CSMD1: variants seen among roughly 807,000 people sequenced by gnomAD.
CSMD1 encodes the protein CUB and sushi domain-containing protein 1.
CSMD1 carries 213 observed loss-of-function variants against 417.5 expected under a neutral mutation model. The observed-to-expected ratio is 0.51, with a 90% CI of 0.46 to 0.57. CSMD1 has a LOEUF of 0.57. CSMD1 is among the 20% of genes least tolerant of loss of function. The pLI, the probability that CSMD1 is intolerant of heterozygous loss-of-function variation, is 0.00. For missense variants in CSMD1, 6,923 were observed against 4,529.7 expected (o/e 1.53, Z -15.17); for synonymous variants, 2,862 against 1,736.8 (o/e 1.65, Z -16.11).
rs544292963 is a variant in CSMD1, at chr8:4,410,780, A to T, written c.415+9173T>A. Among the ~76,000 whole-genome samples, 4 of 152,288 alleles carry T rather than the reference A, an allele frequency of 2.6e-5. No individual in the cohort carries two copies. The South Asian group carries it at 8.3e-4, about 32-fold the overall frequency. On this transcript the variant is annotated intron_variant, in intron 3 of 69. Coordinates refer to ENST00000635120, the MANE Select transcript of CSMD1 (RefSeq NM_033225.6). ...TTAAGAAATGAAAGTATAACAACTCATGAGTTGAGACTCCCCTCTGCAATG... is the reference window on the plus strand; with the variant it reads ...TTAAGAAATGAAAGTATAACAACTCTTGAGTTGAGACTCCCCTCTGCAATG...
At chr8:4,026,445 C>G (rs902586251) in intron 4 of CSMD1, among the ~76,000 whole-genome samples, 4 of 152,170 alleles carry the variant, frequency 2.6e-5, no homozygotes, top group South Asian at 4.1e-4. Context: ...GTTATGTCAA[C>G]TTTGACTACA....
intron 3 of CSMD1, among the ~76,000 whole-genome samples, chr8:4,253,144 A>G (rs981861403): frequency 2.6e-4 from 40 of 152,328 alleles, no homozygotes; most frequent in African/African-American, 8.7e-4. Flanking sequence ...AGTATTTTCT[A>G]AAACGATAAA....
chr8:3,024,649 G>A (rs1293010627), intron 51 of CSMD1, among the ~76,000 whole-genome samples: 2 of 152,046 alleles, frequency 1.3e-5, no homozygotes, highest in Non-Finnish European at 2.9e-5. Context: ...ACTTTCTTTT[G>A]GGTGAGTAAA....
chr8:3,991,666 G>A (rs1814761258), intron 5 of CSMD1, among the ~76,000 whole-genome samples: 1 of 152,160 alleles, frequency 6.6e-6, no homozygotes, highest in Admixed American at 6.5e-5. Context: ...TAAGGCAGAA[G>A]GTTGCTGAAG....
intron 6 of CSMD1, among the ~76,000 whole-genome samples, chr8:3,719,101 A>T (rs1802000478): frequency 6.6e-6 from 1 of 152,190 alleles, no homozygotes; most frequent in South Asian, 2.1e-4. Context: ...GACGATTCGC[A>T]AATTCCAAGA....
rs565146516 is a variant in CSMD1 at position 4,301,020 on chromosome 8, A to G, written c.415+118933T>C. ...AGTGTGCATGTGTCTTTATAGCAGC[A>G]TGATAAGATTAGGAAACAAAAAGAA... On this transcript the variant is annotated intron_variant, in intron 3 of 69. Transcript: ENST00000635120. 3.3e-5 allele frequency among the ~76,000 whole-genome samples: 5 copies of G among 152,310 alleles called. No homozygotes were observed. The East Asian group carries it at 9.6e-4, about 29-fold the overall frequency.
intron 3 of CSMD1, among the ~76,000 whole-genome samples, chr8:4,177,625 A>G (rs1261696347): frequency 6.8e-6 from 1 of 148,024 alleles, no homozygotes; most frequent in African/African-American, 2.5e-5. Context: ...CCTTCAAAAA[A>G]TTAATGAATC....
At chr8:4,199,905 T>C (rs1799552680) in intron 3 of CSMD1, among the ~76,000 whole-genome samples, 1 of 152,120 alleles carries the variant, frequency 6.6e-6, no homozygotes, top group Admixed American at 6.6e-5. Context: ...AGACAAGTCA[T>C]ACATTTTGTG....
At chr8:3,566,464 T>A (rs775028801) in intron 10 of CSMD1, among the ~76,000 whole-genome samples, 1 of 152,106 alleles carries the variant, frequency 6.6e-6, no homozygotes, top group Admixed American at 6.5e-5. Context: ...CCGCTCCTCC[T>A]GCACCTCCAC....
chr8:4,912,212 C>T (rs990373111), intron 1 of CSMD1, among the ~76,000 whole-genome samples: 4 of 150,826 alleles, frequency 2.7e-5, no homozygotes, highest in African/African-American at 7.3e-5. Context: ...TCTTACTGAG[C>T]TAGGTGGAGA....
intron 3 of CSMD1, among the ~76,000 whole-genome samples, chr8:4,337,253 T>A (rs1024897727): frequency 6.6e-6 from 1 of 152,102 alleles, no homozygotes; most frequent in African/African-American, 2.4e-5. Context: ...TGATAAAACA[T>A]AGCATCATGG....
intron 3 of CSMD1, among the ~76,000 whole-genome samples, chr8:4,377,345 C>T (rs955180717): frequency 2.6e-5 from 4 of 152,140 alleles, no homozygotes; most frequent in African/African-American, 9.7e-5. Context: ...TTAGAGCTTA[C>T]TAATTTGGCT....
chr8:4,096,382 GA>G (rs1036540080), intron 3 of CSMD1, among the ~76,000 whole-genome samples: 26 of 149,976 alleles, frequency 1.7e-4, no homozygotes, highest in African/African-American at 6.3e-4. Flanking sequence ...TGGCCTAGTG[GA>G]TGCCTATGGC....
At chr8:3,188,763 A>C (rs1796240651) in intron 35 of CSMD1, 124 bp downstream of exon 35, 1 of 571,042 alleles carries the variant, frequency 1.8e-6, no homozygotes, top group African/African-American at 1.9e-5. Flanking sequence ...TAACCAGTAT[A>C]AAAGGAAAAA....
chr8:3,243,356 C>G (rs1296516497), intron 26 of CSMD1, among the ~76,000 whole-genome samples: 5 of 152,098 alleles, frequency 3.3e-5, no homozygotes, highest in African/African-American at 1.2e-4. Context: ...ACCAAACAGG[C>G]TTTGTGTGAG....
chr8:4,503,349 T>C (rs1205914946), intron 2 of CSMD1, among the ~76,000 whole-genome samples: 1 of 152,160 alleles, frequency 6.6e-6, no homozygotes, highest in Non-Finnish European at 1.5e-5. Flanking sequence ...TTTAACATTT[T>C]TTATGCCTAC....
At position 4,796,468 on chromosome 8, in the gene CSMD1, G is replaced by C. The variant is rs116956180; in HGVS notation, c.86-158910C>G. ...CTTTGTAATGTATGTAAATATCTTT[G>C]AGAGCTTCTTGACAGTTTTACCACC... On this transcript the variant is annotated intron_variant, in intron 1 of 69. Transcript: ENST00000635120. Among the ~76,000 whole-genome samples the C allele has an allele frequency of 3.7e-3, 557 of 151,860 alleles. 8 individuals are homozygous for C. The highest frequency in any genetic ancestry group is 0.031 in the South Asian group (147 of 4,768).
At chr8:4,708,147 G>A (rs996208108) in intron 1 of CSMD1, among the ~76,000 whole-genome samples, 2 of 151,986 alleles carry the variant, frequency 1.3e-5, no homozygotes, top group Non-Finnish European at 2.9e-5. Context: ...TAGAGATGGA[G>A]TTTTGCTATG....
intron 5 of CSMD1, among the ~76,000 whole-genome samples, chr8:3,776,393 G>A (rs1434216645): frequency 6.6e-6 from 1 of 152,144 alleles, no homozygotes; most frequent in Non-Finnish European, 1.5e-5. Flanking sequence ...CTCTAAAGAG[G>A]CGCTGCAAGG....
Sources: gnomAD v4.1 joint callset for allele counts (sites outside exome capture counted in the v4.1 genomes callset) on GRCh38, gnomAD v4.1.1 for gene constraint, MANE v1.5 for transcripts, NCBI Gene and HGNC (gene_info 2026-07-23, HGNC 2026-07-21) for gene names.